Variants in MTNAP1 observed in about 807,000 individuals in gnomAD.
MTNAP1 encodes mitochondrial nucleoid-associated protein 1.
the MTNAP1 span, among the ~76,000 whole-genome samples, chr17:73,241,790 G>A: frequency 6.6e-6 from 1 of 152,156 alleles, no homozygotes; most frequent in African/African-American, 2.4e-5. Flanking sequence ...TTAGCCTGGC[G>A]TGATGGCGTG....
the MTNAP1 span, chr17:73,245,137 G>T: frequency 1.6e-4 from 251 of 1,611,832 alleles, 1 homozygote; most frequent in African/African-American, 2.9e-3. Flanking sequence ...TGGCCTCTCG[G>T]ATCCTTACAT....
the MTNAP1 span, chr17:73,236,306 C>A: frequency 1.2e-6 from 2 of 1,614,136 alleles, no homozygotes; most frequent in African/African-American, 2.7e-5. Flanking sequence ...GAAAAGAACA[C>A]AGAATCCCTC....
the MTNAP1 span, among the ~76,000 whole-genome samples, chr17:73,233,585 T>C: frequency 0.52 from 78,514 of 152,140 alleles, 20,356 homozygotes; most frequent in East Asian, 0.62. Flanking sequence ...CCCAGCAGGC[T>C]GGGCGCGGTG....
the MTNAP1 span, chr17:73,242,920 T>A: frequency 4.3e-6 from 7 of 1,613,810 alleles, no homozygotes; most frequent in African/African-American, 1.3e-5. Flanking sequence ...AACACCACCA[T>A]AAGGAAGAGT....
At chr17:73,235,827 A>C in the MTNAP1 span, 2 of 1,614,206 alleles carry the variant, frequency 1.2e-6, no homozygotes, top group Admixed American at 3.3e-5. Context: ...TCAAGAATCC[A>C]ATCCAACCAT....
At chr17:73,248,454 T>G in the MTNAP1 span, 1 of 1,542,146 alleles carries the variant, frequency 6.5e-7, no homozygotes, top group Non-Finnish European at 8.8e-7. Context: ...TTCTGCCCTG[T>G]CTGTGGCATT....
chr17:73,248,140 A>G, the MTNAP1 span: 1 of 249,126 alleles, frequency 4.0e-6, no homozygotes, highest in Non-Finnish European at 7.8e-6. Flanking sequence ...GTGAGGATAC[A>G]TTTTTCGCTC....
At chr17:73,239,596 G>A in the MTNAP1 span, among the ~76,000 whole-genome samples, 1 of 148,276 alleles carries the variant, frequency 6.7e-6, no homozygotes, top group Non-Finnish European at 1.5e-5. Flanking sequence ...ACGGCTCACT[G>A]CAACCTCCAC....
the MTNAP1 span, chr17:73,236,370 A>G: frequency 6.2e-7 from 1 of 1,614,144 alleles, no homozygotes; most frequent in Non-Finnish European, 8.5e-7. Context: ...TGGAGAAACA[A>G]GAGAAAGGAC....
At chr17:73,238,866 T>C in the MTNAP1 span, among the ~76,000 whole-genome samples, 6 of 152,236 alleles carry the variant, frequency 3.9e-5, no homozygotes, top group African/African-American at 1.2e-4. Flanking sequence ...CACTAAACCA[T>C]GTTGTAGAAA....
chr17:73,246,152 C>T, the MTNAP1 span, among the ~76,000 whole-genome samples: 149 of 152,286 alleles, frequency 9.8e-4, no homozygotes, highest in African/African-American at 3.1e-3. Context: ...ATATATCACA[C>T]GCACACACCC....
At chr17:73,245,579 C>T in the MTNAP1 span, 1 of 985,404 alleles carries the variant, frequency 1.0e-6, no homozygotes, top group Non-Finnish European at 1.2e-6. Context: ...TACCAGACTA[C>T]TACCTATATG....
At chr17:73,235,934 A>G in the MTNAP1 span, 1 of 1,614,222 alleles carries the variant, frequency 6.2e-7, no homozygotes, top group Non-Finnish European at 8.5e-7. Context: ...CCTAAAAGAG[A>G]ACTTGCCAAA....
the MTNAP1 span, chr17:73,242,438 G>T: frequency 1.2e-6 from 1 of 842,000 alleles, no homozygotes; most frequent in Non-Finnish European, 1.8e-6. Flanking sequence ...CAAGGCTAAA[G>T]AGGAGAGGAA....
chr17:73,242,796 A>G, the MTNAP1 span: 1 of 817,548 alleles, frequency 1.2e-6, no homozygotes, highest in South Asian at 1.7e-5. Flanking sequence ...TCTGAATTAC[A>G]GTTCCATCAC....
the MTNAP1 span, chr17:73,236,950 C>A: frequency 6.2e-7 from 1 of 1,606,082 alleles, no homozygotes; most frequent in Non-Finnish European, 8.5e-7. Flanking sequence ...TGCAATGACC[C>A]AGAAGCCACA....
chr17:73,234,431 C>A, the MTNAP1 span, among the ~76,000 whole-genome samples: 2 of 143,994 alleles, frequency 1.4e-5, no homozygotes, highest in Middle Eastern at 7.1e-3. Flanking sequence ...GTGTCTCACG[C>A]CTGTAATCCC....
chr17:73,237,972 A>T, the MTNAP1 span, among the ~76,000 whole-genome samples: 1 of 152,216 alleles, frequency 6.6e-6, no homozygotes, highest in Non-Finnish European at 1.5e-5. Context: ...AAAACCAGTG[A>T]TTGAGCCTGG....
chr17:73,248,027 C>G, the MTNAP1 span: 115,275 of 157,136 alleles, frequency 0.73, 43,356 homozygotes, highest in Non-Finnish European at 0.81. Flanking sequence ...TTGAGGTAAA[C>G]TGATAGCTGA....
Sources: gnomAD v4.1 joint callset for allele counts (sites outside exome capture counted in the v4.1 genomes callset) on GRCh38, gnomAD v4.1.1 for gene constraint, MANE v1.5 for transcripts, NCBI Gene and HGNC (gene_info 2026-07-23, HGNC 2026-07-21) for gene names.